The following TRPM3 variants were observed in gnomAD, a reference collection of about 807,000 sequenced individuals.
TRPM3 encodes transient receptor potential cation channel subfamily M member 3.
In TRPM3, 77 loss-of-function variants were observed where a neutral mutation model predicts 181.2. That is an observed-to-expected ratio of 0.42 (90% CI 0.35 to 0.51). The LOEUF is 0.51. TRPM3 is among the 20% of genes least tolerant of loss of function. TRPM3 has a pLI of 0.01. For missense variants in TRPM3, 1,759 were observed against 2,196.7 expected (o/e 0.80, Z 3.98); for synonymous variants, 745 against 796.4 (o/e 0.94, Z 1.09).
At chr9:71,272,918 A>G (rs1054841717) in intron 1 of TRPM3, among the ~76,000 whole-genome samples, 11 of 151,124 alleles carry the variant, frequency 7.3e-5, no homozygotes, top group Middle Eastern at 3.4e-3. Flanking sequence ...TCTGTTCCAC[A>G]GGGTGGAGTG....
Position 70,625,579 on chromosome 9 carries a change from C to A in TRPM3, c.1633-62G>T, listed in dbSNP as rs2064433952. ...GTAATCGTCGGCAATAATAGAAAAT[C>A]AAAATATTTATTCAAGTCTTCAGCT... On this transcript the variant is annotated intron_variant, in intron 12 of 25. Coordinates refer to ENST00000677713, the MANE Select transcript of TRPM3 (RefSeq NM_001366145.2). This position sits in a 1 kb window ranked among gnomAD's most constrained non-coding sequence, Gnocchi z 4.8. 2 of 1,532,448 alleles carry A rather than the reference C, an allele frequency of 1.3e-6. No individual in the cohort carries two copies. Among genetic ancestry groups the A allele is most frequent in the South Asian group, 2.4e-5 (2 of 84,788 alleles). 94.9% of individuals were successfully genotyped at this position (1,532,448 alleles called of 1,614,324 possible).
At chr9:70,815,848 A>C (rs867671059) in intron 6 of TRPM3, among the ~76,000 whole-genome samples, 1 of 152,190 alleles carries the variant, frequency 6.6e-6, no homozygotes, top group South Asian at 2.1e-4. Context: ...TGAATGAAAA[A>C]GTTACAATAG....
intron 1 of TRPM3, among the ~76,000 whole-genome samples, chr9:70,888,362 G>GGGGT (rs753777667): frequency 4.7e-4 from 68 of 143,730 alleles, no homozygotes; most frequent in Admixed American, 9.8e-4. Flanking sequence ...TTTATTTTGG[G>GGGGT]GTGTGTGTGT....
intron 1 of TRPM3, among the ~76,000 whole-genome samples, chr9:71,298,112 T>G (rs1402255997): frequency 6.6e-6 from 1 of 152,030 alleles, no homozygotes; most frequent in East Asian, 1.9e-4. Flanking sequence ...AAAAAGTTCC[T>G]CTAGTAAACT....
intron 1 of TRPM3, among the ~76,000 whole-genome samples, chr9:71,384,075 A>G (rs988409356): frequency 3.3e-5 from 5 of 152,258 alleles, no homozygotes; most frequent in African/African-American, 7.2e-5. Context: ...TTTTGATACC[A>G]TAAGAGTAAA....
chr9:71,118,800 C>A (rs76744903), intron 1 of TRPM3, among the ~76,000 whole-genome samples: 10,901 of 149,514 alleles, frequency 0.073, 481 homozygotes, highest in East Asian at 0.15. Context: ...GGAGGTGGAA[C>A]AAGAGAGAGA....
chr9:70,778,305 C>A (rs1288838973), intron 7 of TRPM3, among the ~76,000 whole-genome samples: 1 of 152,140 alleles, frequency 6.6e-6, no homozygotes, highest in Admixed American at 6.6e-5. Flanking sequence ...GCTCTTGTGA[C>A]CTTTTGTGCC....
Position 70,536,136 on chromosome 9 carries a change from A to C in TRPM3, c.4977T>G (p.Tyr1659Ter). The C allele has an allele frequency of 6.2e-7, 1 of 1,614,174 alleles. No individual in the cohort carries two copies. The highest frequency in any genetic ancestry group is 8.5e-7 in the Non-Finnish European group (1 of 1,180,042). Reference protein sequence around the residue: ...SYSAEEPSAPYAHTRKSFSIS... With the variant: ...SYSAEEPSAP The stretch of plus-strand genomic sequence containing the variant: ...TGGAGAAGCTCTTCCTGGTGTGTGC[A>C]TATGGCGCACTTGGCTCCTCTGCCG... Residue 1659 changes from tyrosine (Y) to a stop codon, truncating the protein, a stop_gained, in exon 26 of 26, where the codon TAT becomes TAG. Transcript: ENST00000677713. LOFTEE classifies it high-confidence loss of function.
At chr9:70,700,371 A>C (rs897524204) in intron 8 of TRPM3, among the ~76,000 whole-genome samples, 6 of 152,114 alleles carry the variant, frequency 3.9e-5, no homozygotes, top group Non-Finnish European at 8.8e-5. Context: ...TTTTGACTCA[A>C]AGGTTGAGTA....
intron 1 of TRPM3, among the ~76,000 whole-genome samples, chr9:71,129,566 A>T (rs763211364): frequency 1.3e-5 from 2 of 152,244 alleles, no homozygotes; most frequent in Non-Finnish European, 2.9e-5. Flanking sequence ...AAATAGCCTC[A>T]GACTGGTTAA....
intron 22 of TRPM3, among the ~76,000 whole-genome samples, chr9:70,572,792 A>G (rs919957402): frequency 1.3e-4 from 20 of 152,348 alleles, no homozygotes; most frequent in African/African-American, 4.3e-4. Flanking sequence ...TTTACAAAAT[A>G]CATTTTTTAA....
intron 1 of TRPM3, among the ~76,000 whole-genome samples, chr9:71,173,723 C>A (rs937907593): frequency 5.3e-5 from 8 of 152,202 alleles, no homozygotes; most frequent in South Asian, 2.1e-4. Flanking sequence ...TTCTTTTCTA[C>A]ATTCATCTAA....
At chr9:70,756,905 C>A (rs1329626572) in intron 8 of TRPM3, among the ~76,000 whole-genome samples, 3 of 151,844 alleles carry the variant, frequency 2.0e-5, no homozygotes, top group Admixed American at 6.6e-5. Flanking sequence ...AAATCGACAC[C>A]CTAACATCGC....
chr9:70,646,632 A>G (rs1201220048), intron 9 of TRPM3, among the ~76,000 whole-genome samples: 30 of 152,090 alleles, frequency 2.0e-4, no homozygotes, highest in Admixed American at 2.0e-3. Flanking sequence ...ATGGGTTGAT[A>G]GGTGCAGCAA....
intron 1 of TRPM3, among the ~76,000 whole-genome samples, chr9:71,137,328 T>C (rs776408006): frequency 2.0e-5 from 3 of 152,334 alleles, no homozygotes; most frequent in Non-Finnish European, 4.4e-5. Flanking sequence ...GCTTCTCCCT[T>C]TGTAGAAAGA....
intron 12 of TRPM3, among the ~76,000 whole-genome samples, chr9:70,633,223 A>G (rs2066221775): frequency 6.6e-6 from 1 of 152,196 alleles, no homozygotes; most frequent in Admixed American, 6.5e-5. Context: ...TACTTTAGAA[A>G]AACTCAAAAC....
intron 5 of TRPM3, among the ~76,000 whole-genome samples, chr9:70,828,607 T>C (rs1483781742): frequency 6.6e-6 from 1 of 152,108 alleles, no homozygotes; most frequent in Non-Finnish European, 1.5e-5. Flanking sequence ...AGGCCCAAAA[T>C]GTTCAACTCT....
At chr9:70,654,783 C>T (rs888094803) in intron 9 of TRPM3, among the ~76,000 whole-genome samples, 11 of 150,858 alleles carry the variant, frequency 7.3e-5, no homozygotes, top group East Asian at 4.0e-4. Flanking sequence ...CCTGGGTTCA[C>T]GCCATTCTCC....
At chr9:71,257,642 T>G (rs2082755225) in intron 1 of TRPM3, among the ~76,000 whole-genome samples, 1 of 152,218 alleles carries the variant, frequency 6.6e-6, no homozygotes, top group Admixed American at 6.5e-5. Flanking sequence ...TGAATTGATT[T>G]ATACTACGAG....
Sources: gnomAD v4.1 joint callset for allele counts (sites outside exome capture counted in the v4.1 genomes callset) on GRCh38, gnomAD v4.1.1 for gene constraint, Gnocchi (gnomAD v3.1) non-coding constraint, MANE v1.5 for transcripts, NCBI Gene and HGNC (gene_info 2026-07-23, HGNC 2026-07-21) for gene names.